SLC9B1: variants seen among roughly 807,000 people sequenced by gnomAD.
SLC9B1 encodes the protein sodium/hydrogen exchanger 9B1.
SLC9B1 carries 32 observed loss-of-function variants against 51.7 expected under a neutral mutation model. That is an observed-to-expected ratio of 0.62 (90% confidence interval 0.47 to 0.83). SLC9B1 has a LOEUF of 0.83. Ranked by LOEUF, SLC9B1 falls within the 40% of genes least tolerant of loss-of-function variation. The probability of loss-of-function intolerance (pLI) is 0.00; values close to 1 mark genes in which losing one functional copy is unlikely to be tolerated. For missense variants in SLC9B1, 406 were observed against 613.2 expected (o/e 0.66, Z 3.57); for synonymous variants, 145 against 212.7 (o/e 0.68, Z 2.77).
intron 11 of SLC9B1, chr4:102,888,869 A>G (rs1418117981): frequency 6.6e-6 from 1 of 152,268 alleles, no homozygotes; most frequent in African/African-American, 2.4e-5. Flanking sequence ...CACTCTGGAA[A>G]CTGCTTAGTT....
At chr4:102,982,323 G>A (rs1739404024) in intron 3 of SLC9B1, among the ~76,000 whole-genome samples, 1 of 152,068 alleles carries the variant, frequency 6.6e-6, no homozygotes, top group African/African-American at 2.4e-5. Flanking sequence ...AGTAAGTCTT[G>A]AAGTTGGGTA....
At chr4:102,974,918 AT>A (rs991267136) in intron 3 of SLC9B1, among the ~76,000 whole-genome samples, 1 of 152,260 alleles carries the variant, frequency 6.6e-6, no homozygotes, top group Non-Finnish European at 1.5e-5. Flanking sequence ...AAATCTAGTA[AT>A]GTATTCTAAA....
intron 7 of SLC9B1, among the ~76,000 whole-genome samples, chr4:102,921,093 C>G (rs1329826930): frequency 1.3e-5 from 2 of 152,032 alleles, no homozygotes; most frequent in African/African-American, 2.4e-5. Flanking sequence ...AAGAGCAATT[C>G]CAAGAAACAT....
At chr4:102,916,341 G>C (rs1390880260) in intron 7 of SLC9B1, among the ~76,000 whole-genome samples, 1 of 151,952 alleles carries the variant, frequency 6.6e-6, no homozygotes, top group Non-Finnish European at 1.5e-5. Flanking sequence ...AAGAGACAAG[G>C]ATATTACATA....
At position 102,919,314 on chromosome 4, in the gene SLC9B1, A is replaced by G. The variant is rs1404336264; in HGVS notation, c.830-7777T>C. Among the ~76,000 whole-genome samples, 3 of 152,196 alleles carry G rather than the reference A, an allele frequency of 2.0e-5. 1 individual carries two copies. The South Asian group carries it at 6.2e-4, about 32-fold the overall frequency. On this transcript the variant is annotated intron_variant, in intron 7 of 11. Coordinates refer to ENST00000296422, the MANE Select transcript of SLC9B1 (RefSeq NM_139173.4). ...TTTATGCTCTGTCTCCCTTTTAAAC[A>G]TAAGTTCCAATTCCAAACCATATTT...
intron 7 of SLC9B1, among the ~76,000 whole-genome samples, chr4:102,922,442 C>A (rs1049684574): frequency 2.0e-5 from 3 of 152,042 alleles, no homozygotes; most frequent in Non-Finnish European, 2.9e-5. Context: ...GCACTAAATG[C>A]CCAGAAGAGA....
chr4:102,998,762 C>T (rs1365293061), intron 1 of SLC9B1, among the ~76,000 whole-genome samples: 2 of 152,132 alleles, frequency 1.3e-5, no homozygotes, highest in Non-Finnish European at 2.9e-5. Flanking sequence ...GTTTTCATTT[C>T]CACTTCCCTA....
At chr4:102,994,409 A>C (rs1326643983) in intron 1 of SLC9B1, among the ~76,000 whole-genome samples, 9 of 152,174 alleles carry the variant, frequency 5.9e-5, no homozygotes, top group Non-Finnish European at 1.0e-4. Context: ...CCTACACTTC[A>C]TTGTCCATAT....
chr4:102,950,532 T>C (rs1187389210), intron 3 of SLC9B1, among the ~76,000 whole-genome samples: 1 of 152,212 alleles, frequency 6.6e-6, no homozygotes, highest in Non-Finnish European at 1.5e-5. Flanking sequence ...TTTATATGCA[T>C]TTTTTAGCTA....
At chr4:102,984,786 G>A in intron 3 of SLC9B1, among the ~76,000 whole-genome samples, 1 of 152,170 alleles carries the variant, frequency 6.6e-6, no homozygotes, top group African/African-American at 2.4e-5. Flanking sequence ...GGATAGACAG[G>A]TGTTAAAGTT....
chr4:102,985,777 C>T (rs1739586935), intron 3 of SLC9B1, among the ~76,000 whole-genome samples: 1 of 151,954 alleles, frequency 6.6e-6, no homozygotes, highest in African/African-American at 2.4e-5. Context: ...CACCCACCTC[C>T]ACCTCCCAAA....
At chr4:102,963,134 G>A (rs1738227170) in intron 3 of SLC9B1, 2 of 361,106 alleles carry the variant, frequency 5.5e-6, no homozygotes, top group Non-Finnish European at 5.4e-6. Flanking sequence ...AAGGAGCTCA[G>A]TGGCAGGAGA....
chr4:102,995,108 A>C (rs1740147038), intron 1 of SLC9B1, among the ~76,000 whole-genome samples: 1 of 152,194 alleles, frequency 6.6e-6, no homozygotes, highest in African/African-American at 2.4e-5. Context: ...GCTGAAGTGC[A>C]CATAAATTTT....
chr4:102,957,937 A>C (rs1737893536), intron 3 of SLC9B1, among the ~76,000 whole-genome samples: 1 of 152,202 alleles, frequency 6.6e-6, no homozygotes, highest in African/African-American at 2.4e-5. Context: ...GAATTAAGTA[A>C]AAATTATTAA....
intron 6 of SLC9B1, among the ~76,000 whole-genome samples, chr4:102,932,806 A>G (rs966677686): frequency 1.3e-5 from 2 of 152,240 alleles, no homozygotes; most frequent in African/African-American, 4.8e-5. Context: ...CAAATAGTTA[A>G]TTATTTGGAG....
chr4:102,935,927 C>T (rs1294306944), intron 6 of SLC9B1, among the ~76,000 whole-genome samples: 4 of 152,206 alleles, frequency 2.6e-5, no homozygotes, highest in Non-Finnish European at 1.5e-5. Flanking sequence ...CCTGCCAACA[C>T]AGGCATACCT....
intron 11 of SLC9B1, chr4:102,888,078 G>GTA (rs1174404958): frequency 1.1e-4 from 17 of 151,606 alleles, no homozygotes; most frequent in African/African-American, 4.1e-4. Context: ...GTGTGTGTGT[G>GTA]TGTGTATTTT....
intron 3 of SLC9B1, chr4:102,962,545 A>G: frequency 2.1e-6 from 1 of 477,224 alleles, no homozygotes; most frequent in South Asian, 1.5e-5. Flanking sequence ...TATCTTGGAC[A>G]TCTCAACAAG....
intron 6 of SLC9B1, among the ~76,000 whole-genome samples, chr4:102,934,874 A>G (rs1403144716): frequency 6.6e-6 from 1 of 152,188 alleles, no homozygotes; most frequent in Non-Finnish European, 1.5e-5. Context: ...ATTTTGATAC[A>G]TTCAATTATA....
Sources: allele counts gnomAD v4.1 joint callset (sites outside exome capture counted in the v4.1 genomes callset), GRCh38; gene constraint gnomAD v4.1.1; transcripts MANE v1.5; gene names NCBI Gene and HGNC (gene_info 2026-07-23, HGNC 2026-07-21).